The following LASP1 variants were observed in gnomAD, a reference collection of about 807,000 sequenced individuals.
LASP1 encodes LIM and SH3 protein 1, also known as LIM and SH3 domain protein 1.
A neutral mutation model predicts 38.6 loss-of-function variants in LASP1; 10 were observed. That is an observed-to-expected ratio of 0.26 (90% CI 0.16 to 0.44). The LOEUF (loss-of-function observed/expected upper bound fraction) is 0.44. Among genes scored for constraint, LASP1 ranks in the 20% least tolerant of loss-of-function variants. The pLI is 1.00. For missense variants in LASP1, 243 were observed against 375.7 expected (o/e 0.65, Z 2.92); for synonymous variants, 132 against 140.8 (o/e 0.94, Z 0.44).
chr17:38,875,135 A>G (rs1444961335), intron 1 of LASP1, among the ~76,000 whole-genome samples: 1 of 149,152 alleles, frequency 6.7e-6, no homozygotes, highest in African/African-American at 2.5e-5. Context: ...TTTTCCTGGC[A>G]GGCCCCTGTG....
At position 38,870,081 on chromosome 17, in the gene LASP1, C is replaced by G. The variant is rs1334918031; in HGVS notation, c.-109C>G. ...AGGCCAGTTCCCCAGCTCCAGCCGCCGTCGCTGCTGCCTGTGTAGTTGCAG... is the reference window on the plus strand; with the variant it reads ...AGGCCAGTTCCCCAGCTCCAGCCGCGGTCGCTGCTGCCTGTGTAGTTGCAG... On this transcript the variant is annotated 5_prime_UTR_variant, in exon 1 of 7. Transcript: ENST00000318008. The G allele has an allele frequency of 4.2e-6, 5 of 1,183,516 alleles. No homozygotes were observed. The highest frequency in any genetic ancestry group is 2.5e-5 in the East Asian group (1 of 40,756). 73.3% of individuals were successfully genotyped at this position (1,183,516 alleles called of 1,614,324 possible).
chr17:38,899,976 C>T (rs138404972), intron 4 of LASP1, among the ~76,000 whole-genome samples: 4,036 of 151,772 alleles, frequency 0.027, 74 homozygotes, highest in Non-Finnish European at 0.041. Context: ...GTGATGTGCC[C>T]GCCTTGGCCT....
intron 2 of LASP1, among the ~76,000 whole-genome samples, chr17:38,887,361 C>T (rs554444019): frequency 6.6e-6 from 1 of 152,242 alleles, no homozygotes; most frequent in Admixed American, 6.5e-5. Context: ...TCAGGGCCTG[C>T]CAGCCCTGCT....
chr17:38,904,631 A>G (rs1740286441), intron 4 of LASP1: 1 of 151,992 alleles, frequency 6.6e-6, no homozygotes, highest in East Asian at 1.9e-4. Flanking sequence ...AGAGTACTGG[A>G]TACATTTAGC....
At chr17:38,871,807 T>C (rs1422766923) in intron 1 of LASP1, among the ~76,000 whole-genome samples, 1 of 152,008 alleles carries the variant, frequency 6.6e-6, no homozygotes, top group Non-Finnish European at 1.5e-5. Flanking sequence ...GGGGGTATAT[T>C]GTGGGCACGA....
intron 3 of LASP1, among the ~76,000 whole-genome samples, chr17:38,894,926 CAG>C (rs1452483375): frequency 6.6e-6 from 1 of 151,930 alleles, no homozygotes; most frequent in Non-Finnish European, 1.5e-5. Flanking sequence ...TTAGTAGAGA[CAG>C]GGTTTCGTCA....
intron 3 of LASP1, among the ~76,000 whole-genome samples, chr17:38,893,597 C>T (rs919811009): frequency 6.6e-6 from 1 of 152,132 alleles, no homozygotes; most frequent in Non-Finnish European, 1.5e-5. Context: ...GCCCTTTTTG[C>T]AGGCCTGTTC....
At chr17:38,886,287 G>C (rs1914134356) in intron 2 of LASP1, among the ~76,000 whole-genome samples, 1 of 151,136 alleles carries the variant, frequency 6.6e-6, no homozygotes, top group Non-Finnish European at 1.5e-5. Context: ...GCCAGGGCTG[G>C]GGGCTGGGGA....
At chr17:38,890,162 T>C (rs1914263471) in intron 2 of LASP1, 1 of 455,788 alleles carries the variant, frequency 2.2e-6, no homozygotes, top group Non-Finnish European at 4.0e-6. Flanking sequence ...GGCCATCCTT[T>C]CGCTCAGGAC....
chr17:38,893,879 C>T (rs1323205988), intron 3 of LASP1, among the ~76,000 whole-genome samples: 1 of 152,256 alleles, frequency 6.6e-6, no homozygotes, highest in Non-Finnish European at 1.5e-5. Context: ...CTCTTCTGCT[C>T]ACCCAGCTTC....
chr17:38,876,484 C>T (rs1386748391), intron 1 of LASP1, among the ~76,000 whole-genome samples: 13 of 152,044 alleles, frequency 8.6e-5, no homozygotes, highest in African/African-American at 2.9e-4. Context: ...CCTCAGCCTC[C>T]CGAGTAGCTG....
intron 4 of LASP1, among the ~76,000 whole-genome samples, chr17:38,911,919 G>A (rs888722046): frequency 2.6e-5 from 4 of 152,076 alleles, no homozygotes; most frequent in Admixed American, 1.3e-4. Flanking sequence ...TCAGCCTCCC[G>A]CGTAGCTGGG....
chr17:38,895,602 C>T (rs535066761), intron 3 of LASP1, among the ~76,000 whole-genome samples: 5 of 152,266 alleles, frequency 3.3e-5, no homozygotes, highest in Non-Finnish European at 7.4e-5. Flanking sequence ...AGGCGTGAGC[C>T]ACCGTGCCTG....
chr17:38,911,876 C>T (rs1379966915), intron 4 of LASP1, among the ~76,000 whole-genome samples: 1 of 152,174 alleles, frequency 6.6e-6, no homozygotes, highest in Non-Finnish European at 1.5e-5. Context: ...TCACCGCAAC[C>T]TCTGCCTCCC....
chr17:38,888,019 G>A (rs1461153382), intron 2 of LASP1, among the ~76,000 whole-genome samples: 1 of 152,150 alleles, frequency 6.6e-6, no homozygotes, highest in African/African-American at 2.4e-5. Context: ...GGATCTGCAG[G>A]GGTCATAGCT....
At chr17:38,888,513 A>G (rs1454404546) in intron 2 of LASP1, among the ~76,000 whole-genome samples, 1 of 152,172 alleles carries the variant, frequency 6.6e-6, no homozygotes, top group Non-Finnish European at 1.5e-5. Context: ...CCTGGCCTCA[A>G]GTGATCCACC....
rs2143712988 is a variant in LASP1 at position 38,870,225 on chromosome 17, G to A, written c.36G>A (p.Val12=). Residue 12 remains valine, a synonymous_variant, in exon 1 of 7, where the codon GTG becomes GTA. Transcript: ENST00000318008. ...NPNCARCGKI[V]YPTEKVNCLD... ...ACTGCGCCCGGTGCGGCAAGATCGT[G>A]TATCCCACGGAGAAGGTGAACTGTC... 4 of 1,613,940 alleles carry A rather than the reference G, an allele frequency of 2.5e-6. No individual in the cohort carries two copies. Among genetic ancestry groups the A allele is most frequent in the East Asian group, 4.5e-5 (2 of 44,868 alleles).
At chr17:38,895,368 T>G (rs1380530652) in intron 3 of LASP1, among the ~76,000 whole-genome samples, 1 of 151,962 alleles carries the variant, frequency 6.6e-6, no homozygotes, top group Non-Finnish European at 1.5e-5. Context: ...TCGCCCAGCC[T>G]GGAGTACAGT....
chr17:38,898,275 T>C (rs1914543361), intron 3 of LASP1, 137 bp from the exon 4 acceptor site: 1 of 591,066 alleles, frequency 1.7e-6, no homozygotes, highest in Non-Finnish European at 3.0e-6. Flanking sequence ...CTGCTTTGAG[T>C]TGGGGACTTC....
Sources: gnomAD v4.1 joint callset for allele counts (sites outside exome capture counted in the v4.1 genomes callset) on GRCh38, gnomAD v4.1.1 for gene constraint, MANE v1.5 for transcripts, NCBI Gene and HGNC (gene_info 2026-07-23, HGNC 2026-07-21) for gene names.